ABCB9: variants seen among roughly 807,000 people sequenced by gnomAD.
The protein encoded by ABCB9 is ATP binding cassette subfamily B member 9.
Under a neutral mutation model 62.0 loss-of-function variants are expected in ABCB9, and 36 were observed. The observed-to-expected ratio is 0.58, with a 90% CI of 0.45 to 0.77. The LOEUF (loss-of-function observed/expected upper bound fraction) is 0.77, where lower values mean the gene tolerates loss of function less well. Ranked by LOEUF, ABCB9 falls within the 30% of genes least tolerant of loss-of-function variation. The pLI is 0.00. For missense variants in ABCB9, 943 were observed against 1,054.7 expected (o/e 0.89, Z 1.47); for synonymous variants, 435 against 461.4 (o/e 0.94, Z 0.73).
chr12:122,936,890 G>C (rs2035483784), intron 9 of ABCB9, among the ~76,000 whole-genome samples: 1 of 147,886 alleles, frequency 6.8e-6, no homozygotes, highest in Non-Finnish European at 1.5e-5. Flanking sequence ...GGCAACAAGA[G>C]CAAAACTCCA....
chr12:122,949,656 C>A, intron 4 of ABCB9, 132 bp downstream of exon 4: 2 of 1,250,754 alleles, frequency 1.6e-6, no homozygotes, highest in South Asian at 1.4e-5. Context: ...GTGTTCCCAG[C>A]CTGAACTAAC....
At chr12:122,968,393 G>T (rs187572792), upstream of ABCB9, among the ~76,000 whole-genome samples, 396 of 152,326 alleles carry the variant, frequency 2.6e-3, 1 homozygote, top group Non-Finnish European at 4.8e-3. Flanking sequence ...GACAAGGCCA[G>T]TGAGGGCAGC....
At chr12:122,962,263 G>A (rs576060773) in intron 1 of ABCB9, among the ~76,000 whole-genome samples, 252 of 152,312 alleles carry the variant, frequency 1.7e-3, no homozygotes, top group African/African-American at 5.6e-3. Context: ...GGTTAGGACC[G>A]GGCTGGGGTG....
chr12:122,932,088 C>T lies in ABCB9; in HGVS notation c.2040+104G>A, dbSNP rs763361279. ...CCAGGAGGCTGATAGTCTGGGAGAG[C>T]TCCTGGGGCCCGTCTCTTCTCAGCA... is the stretch of plus-strand genomic sequence containing the variant. On this transcript the variant is annotated intron_variant, in intron 11 of 11. Coordinates refer to ENST00000280560, the MANE Select transcript of ABCB9 (RefSeq NM_019625.4). This position sits in a 1 kb window ranked among gnomAD's most constrained non-coding sequence, Gnocchi z 4.7. The T allele has an allele frequency of 2.2e-5, 34 of 1,536,466 alleles. No homozygotes were observed. Among genetic ancestry groups the T allele is most frequent in the Non-Finnish European group, 3.0e-5 (34 of 1,140,676 alleles).
chr12:122,959,804 G>A lies in ABCB9; in HGVS notation c.432C>T (p.Thr144=), dbSNP rs1250972473. The change falls in exon 2 of 12, where the codon ACC becomes ACT. Residue 144 remains threonine, a synonymous_variant. Coordinates refer to ENST00000280560, the MANE Select transcript of ABCB9 (RefSeq NM_019625.4). This position sits in a 1 kb window ranked among gnomAD's most constrained non-coding sequence, Gnocchi z 5.4. ...WWLLSTVRPG[T]QALEPGAATE... ...TGGCCGCCCCTGGCTCCAGGGCCTG[G>A]GTGCCTGGCCGCACGGTGGACAGCA... 1.2e-6 allele frequency: 2 copies of A among 1,612,284 alleles called. No homozygotes were observed. Among genetic ancestry groups the A allele is most frequent in the Admixed American group, 1.7e-5 (1 of 59,952 alleles).
downstream of ABCB9, chr12:122,928,930 C>T (rs575014141): frequency 1.9e-5 from 17 of 889,526 alleles, no homozygotes; most frequent in East Asian, 1.2e-4. Context: ...AGAGGAGAGC[C>T]GTGGTCTGGT....
intron 5 of ABCB9, chr12:122,946,540 C>T: frequency 2.7e-6 from 1 of 368,604 alleles, no homozygotes; most frequent in Non-Finnish European, 5.1e-6. Context: ...TTTGGTAATC[C>T]TTTCAGAAAA....
chr12:122,942,039 T>C (rs2035788798), intron 7 of ABCB9, among the ~76,000 whole-genome samples: 1 of 152,080 alleles, frequency 6.6e-6, no homozygotes, highest in Non-Finnish European at 1.5e-5. Context: ...AAGCATGCTC[T>C]GTATGTTAGG....
chr12:122,948,457 TG>T, intron 5 of ABCB9, 166 bp downstream of exon 5: 1 of 642,524 alleles, frequency 1.6e-6, no homozygotes, highest in Non-Finnish European at 2.5e-6. Context: ...ACATAGCAGG[TG>T]GTCAATAATT....
At chr12:122,950,041 T>C in intron 3 of ABCB9, 123 bp from the exon 4 acceptor site, 1 of 1,351,890 alleles carries the variant, frequency 7.4e-7, no homozygotes, top group Non-Finnish European at 1.0e-6. Context: ...AGGGCTGGCA[T>C]CCCTGCGGGG....
In ABCB9 at chr12:122,950,285, A is replaced by C. The variant is rs79836689; in HGVS notation, c.716+166T>G. ...GAGGGTGTGGTTCTAGGGTGCTCTA[A>C]GACAGTGTGGAAGCCGGTTCCCAGG... On this transcript the variant is annotated intron_variant, in intron 3 of 11. Transcript: ENST00000280560. Among the ~76,000 whole-genome samples, 566 of 152,264 alleles carry C rather than the reference A, an allele frequency of 3.7e-3. 13 individuals are homozygous for C. Among genetic ancestry groups the C allele is most frequent in the Admixed American group, 0.032 (490 of 15,308 alleles).
chr12:122,962,523 G>A (rs1315145574), intron 1 of ABCB9, among the ~76,000 whole-genome samples: 1 of 152,172 alleles, frequency 6.6e-6, no homozygotes, highest in Non-Finnish European at 1.5e-5. Context: ...AGTCCCACGA[G>A]GCCAGGGTTT....
At chr12:122,950,415 G>T in intron 3 of ABCB9, 36 bp downstream of exon 3, 2 of 1,568,496 alleles carry the variant, frequency 1.3e-6, no homozygotes, top group Non-Finnish European at 1.7e-6. Flanking sequence ...GCAGGTCGGG[G>T]TGTGCGGGGC....
At chr12:122,923,327 G>A (rs766277576) in intron 11 of ABCB9, among the ~76,000 whole-genome samples, 141 of 151,854 alleles carry the variant, frequency 9.3e-4, no homozygotes, top group Non-Finnish European at 1.2e-3. Context: ...TCGCTCTGTC[G>A]CCCAGGCTGG....
chr12:122,940,087 T>G lies in ABCB9; in HGVS notation c.1743+24A>C. ...GTTAGATGCAGAAAGGGCGGAGAAG[T>G]GTGGCCCAGGCCCGTGCACATACCA... On this transcript the variant is annotated intron_variant, in intron 9 of 11. Transcript: ENST00000280560. The surrounding 1 kb of genome is among the most constrained non-coding windows in gnomAD (Gnocchi z 4.8). 6.3e-7 allele frequency: 1 copy of G among 1,597,174 alleles called. No homozygotes were observed. Among genetic ancestry groups the G allele is most frequent in the Non-Finnish European group, 8.5e-7 (1 of 1,171,436 alleles).
upstream of ABCB9, among the ~76,000 whole-genome samples, chr12:122,967,442 G>A (rs913757305): frequency 2.6e-5 from 4 of 152,138 alleles, no homozygotes; most frequent in Non-Finnish European, 4.4e-5. Flanking sequence ...GTGGACTTAC[G>A]GCCCAGAGGG....
chr12:122,968,275 T>C (rs544874567), upstream of ABCB9, among the ~76,000 whole-genome samples: 2 of 152,350 alleles, frequency 1.3e-5, no homozygotes, highest in South Asian at 2.1e-4. Flanking sequence ...GGCTCTGTCA[T>C]TTATGCTGTG....
intron 5 of ABCB9, 102 bp from the exon 6 acceptor site, chr12:122,946,324 C>T (rs1396704747): frequency 1.7e-6 from 2 of 1,156,878 alleles, no homozygotes; most frequent in African/African-American, 3.1e-5. Flanking sequence ...TCGCTGGCAC[C>T]AGCTATATGC....
At chr12:122,973,242 C>T (rs1038178008) in intron 1 of ABCB9, 1 of 152,302 alleles carries the variant, frequency 6.6e-6, no homozygotes, top group African/African-American at 2.4e-5. Flanking sequence ...CTAGACCAGC[C>T]TGGCCAACAT....
Sources: allele counts gnomAD v4.1 joint callset (sites outside exome capture counted in the v4.1 genomes callset), GRCh38; gene constraint gnomAD v4.1.1; non-coding constraint Gnocchi (gnomAD v3.1); transcripts MANE v1.5; gene names NCBI Gene and HGNC (gene_info 2026-07-23, HGNC 2026-07-21).